The following CCSER1 variants were observed in gnomAD, a reference collection of about 807,000 sequenced individuals.
CCSER1 encodes the protein serine-rich coiled-coil domain-containing protein 1.
In CCSER1, 41 loss-of-function variants were observed where a neutral mutation model predicts 82.0. That is an observed-to-expected ratio of 0.50 (90% CI 0.39 to 0.65). The LOEUF is 0.65. Among genes scored for constraint, CCSER1 ranks in the 30% least tolerant of loss-of-function variants. The probability of loss-of-function intolerance (pLI) is 0.00; values close to 1 mark genes in which losing one functional copy is unlikely to be tolerated. For synonymous variants in CCSER1, 414 were observed against 383.9 expected (o/e 1.08, Z -0.92); for missense variants, 1,119 against 1,064.2 (o/e 1.05, Z -0.72).
At chr4:90,815,424 A>G (rs955563775) in intron 7 of CCSER1, among the ~76,000 whole-genome samples, 4 of 152,144 alleles carry the variant, frequency 2.6e-5, no homozygotes, top group African/African-American at 9.7e-5. Flanking sequence ...ATGAGAGGGA[A>G]TAATTTAGGA....
intron 8 of CCSER1, among the ~76,000 whole-genome samples, chr4:90,860,474 TTTTTGATATGGTAATAG>T (rs1764956532): frequency 6.6e-6 from 1 of 151,660 alleles, no homozygotes; most frequent in Non-Finnish European, 1.5e-5. Context: ...GAGTTAACAT[TTTTTGATATGGTAATAG>T]TTTCTACTTC....
At chr4:90,487,113 T>G (rs1167217863) in intron 5 of CCSER1, among the ~76,000 whole-genome samples, 1 of 152,220 alleles carries the variant, frequency 6.6e-6, no homozygotes, top group South Asian at 2.1e-4. Flanking sequence ...GGTTTCACAA[T>G]GTTGGCCAGG....
At chr4:91,524,032 G>T (rs1029964145) in intron 10 of CCSER1, among the ~76,000 whole-genome samples, 2 of 152,126 alleles carry the variant, frequency 1.3e-5, no homozygotes, top group African/African-American at 4.8e-5. Context: ...TTTACAAACT[G>T]CCTTTTCATT....
chr4:91,171,392 G>A (rs760165874), intron 10 of CCSER1, among the ~76,000 whole-genome samples: 10 of 152,138 alleles, frequency 6.6e-5, no homozygotes, highest in Non-Finnish European at 1.2e-4. Flanking sequence ...TTTTAGAGAG[G>A]TTTCTCTTGA....
intron 3 of CCSER1, among the ~76,000 whole-genome samples, chr4:90,383,732 T>C (rs529515812): frequency 0.018 from 1,215 of 65,692 alleles, 14 homozygotes; most frequent in African/African-American, 0.074. Flanking sequence ...TCTTCCTTTC[T>C]TTTTTTTTTC....
At chr4:91,207,036 A>T (rs1736403995) in intron 10 of CCSER1, among the ~76,000 whole-genome samples, 1 of 151,844 alleles carries the variant, frequency 6.6e-6, no homozygotes, top group African/African-American at 2.4e-5. Flanking sequence ...TACTTGAAAG[A>T]TATAAGATGG....
chr4:90,145,589 C>A (rs1401423138), intron 1 of CCSER1, among the ~76,000 whole-genome samples: 1 of 152,082 alleles, frequency 6.6e-6, no homozygotes, highest in South Asian at 2.1e-4. Context: ...TTTATAGGAA[C>A]TGGCTATAGA....
At position 91,075,840 on chromosome 4, in the gene CCSER1, AT is replaced by A. The variant is rs796352514; in HGVS notation, c.2173-10102del. Reference sequence around the variant, plus strand: ...TTAGTTGGGGTGATATTACAGTATGATTTTTTTTAAAGCAAATCAACCAAAT... The same window carrying A: ...TTAGTTGGGGTGATATTACAGTATGATTTTTTTAAAGCAAATCAACCAAAT... On this transcript the variant is annotated intron_variant, in intron 9 of 10. Transcript: ENST00000509176. Among the ~76,000 whole-genome samples, 500 of 151,620 alleles carry A rather than the reference AT, an allele frequency of 3.3e-3. 2 individuals carry two copies. The highest frequency in any genetic ancestry group is 0.011 in the African/African-American group (475 of 41,458).
At chr4:90,333,934 A>G (rs1427527260) in intron 3 of CCSER1, among the ~76,000 whole-genome samples, 2 of 152,060 alleles carry the variant, frequency 1.3e-5, no homozygotes, top group Non-Finnish European at 2.9e-5. Context: ...TTACCTTTTA[A>G]CTTCACTGAG....
intron 6 of CCSER1, among the ~76,000 whole-genome samples, chr4:90,637,596 G>A (rs1725659210): frequency 6.6e-6 from 1 of 152,118 alleles, no homozygotes; most frequent in South Asian, 2.1e-4. Flanking sequence ...TTCAATTACA[G>A]CATCAATTCA....
intron 4 of CCSER1, among the ~76,000 whole-genome samples, chr4:90,457,289 T>C (rs143250389): frequency 3.7e-4 from 56 of 152,304 alleles, no homozygotes; most frequent in African/African-American, 1.2e-3. Context: ...CTCTTAGAGC[T>C]GAACTCCCCA....
At chr4:91,150,984 C>T (rs971231360) in intron 10 of CCSER1, among the ~76,000 whole-genome samples, 3 of 152,030 alleles carry the variant, frequency 2.0e-5, no homozygotes, top group Non-Finnish European at 2.9e-5. Flanking sequence ...GCTGGCCTCC[C>T]AAAATGAGTT....
chr4:90,435,887 A>G (rs1372165451), intron 4 of CCSER1, among the ~76,000 whole-genome samples: 4 of 151,886 alleles, frequency 2.6e-5, no homozygotes, highest in Admixed American at 2.0e-4. Context: ...TTTTCAATCT[A>G]TATATGTTAG....
chr4:90,545,337 G>A (rs1776626413), intron 5 of CCSER1, among the ~76,000 whole-genome samples: 1 of 151,996 alleles, frequency 6.6e-6, no homozygotes, highest in African/African-American at 2.4e-5. Context: ...TTCATGAGAT[G>A]GCACCACTGA....
At chr4:91,385,196 T>A (rs1179705106) in intron 10 of CCSER1, among the ~76,000 whole-genome samples, 2 of 151,936 alleles carry the variant, frequency 1.3e-5, no homozygotes, top group Non-Finnish European at 2.9e-5. Context: ...CTTAGTTGAA[T>A]AAACTATGGT....
intron 9 of CCSER1, among the ~76,000 whole-genome samples, chr4:90,989,904 T>C (rs1188370570): frequency 1.3e-5 from 2 of 151,710 alleles, no homozygotes; most frequent in Admixed American, 6.6e-5. Flanking sequence ...TCCGGAAATA[T>C]ATAGAGCATT....
At chr4:90,862,997 G>T (rs947114697) in intron 8 of CCSER1, among the ~76,000 whole-genome samples, 1 of 146,434 alleles carries the variant, frequency 6.8e-6, no homozygotes, top group Non-Finnish European at 1.5e-5. Flanking sequence ...GTGCAGGTTA[G>T]TTACATATGT....
intron 10 of CCSER1, among the ~76,000 whole-genome samples, chr4:91,218,226 A>G (rs1357800197): frequency 3.9e-5 from 6 of 152,152 alleles, no homozygotes; most frequent in African/African-American, 9.7e-5. Flanking sequence ...TAAGTCCCCC[A>G]TTGCCCGGGG....
intron 3 of CCSER1, among the ~76,000 whole-genome samples, chr4:90,375,761 A>T (rs557169951): frequency 2.0e-5 from 3 of 152,326 alleles, no homozygotes; most frequent in Admixed American, 2.0e-4. Flanking sequence ...TGCTGATTTC[A>T]GTAGCTGTCT....
Sources: allele counts gnomAD v4.1 joint callset (sites outside exome capture counted in the v4.1 genomes callset), GRCh38; gene constraint gnomAD v4.1.1; transcripts MANE v1.5; gene names NCBI Gene and HGNC (gene_info 2026-07-23, HGNC 2026-07-21).